Variants in TMEM11 observed in about 807,000 individuals in gnomAD.
TMEM11 encodes the protein transmembrane protein 11, mitochondrial.
A neutral mutation model predicts 17.0 loss-of-function variants in TMEM11; 1 was observed. The ratio of observed to expected loss-of-function variants is 0.06; its 90% confidence interval spans 0.02 to 0.28. The LOEUF (loss-of-function observed/expected upper bound fraction) is 0.28. Ranked by LOEUF, TMEM11 falls within the 10% of genes least tolerant of loss-of-function variation. The pLI, the probability that TMEM11 is intolerant of heterozygous loss-of-function variation, is 1.00. For missense variants in TMEM11, 172 were observed against 252.9 expected (o/e 0.68, Z 2.17); for synonymous variants, 122 against 118.1 (o/e 1.03, Z -0.21).
At chr17:21,203,902 C>G (rs1309089877) in intron 1 of TMEM11, among the ~76,000 whole-genome samples, 2 of 148,590 alleles carry the variant, frequency 1.3e-5, no homozygotes, top group East Asian at 3.9e-4. Context: ...ACTGGTAAGG[C>G]CATGGGCTTT....
At chr17:21,209,734 A>C (rs879614242) in intron 1 of TMEM11, among the ~76,000 whole-genome samples, 2 of 152,096 alleles carry the variant, frequency 1.3e-5, no homozygotes, top group Admixed American at 6.5e-5. Flanking sequence ...ATACCACTGC[A>C]CTCCAGCCTG....
chr17:21,204,932 G>A (rs546198727), intron 1 of TMEM11, among the ~76,000 whole-genome samples: 1 of 152,192 alleles, frequency 6.6e-6, no homozygotes, highest in South Asian at 2.1e-4. Flanking sequence ...GAATGGGACC[G>A]CTCTCTGCCG....
At chr17:21,206,923 G>A (rs1488945876) in intron 1 of TMEM11, among the ~76,000 whole-genome samples, 1 of 152,140 alleles carries the variant, frequency 6.6e-6, no homozygotes, top group South Asian at 2.1e-4. Context: ...CGATGAAGTG[G>A]CTTTCCCAAA....
At position 21,202,754 on chromosome 17, in the gene TMEM11, C is replaced by G. The variant is rs534250058; in HGVS notation, c.63-3914G>C. 4.5e-4 allele frequency among the ~76,000 whole-genome samples: 69 copies of G among 152,366 alleles called. No individual in the cohort carries two copies. In the South Asian group the frequency reaches 4.6e-3, roughly 10 times the overall value. On this transcript the variant is annotated intron_variant, in intron 1 of 1. Transcript: ENST00000317635. ...CTGTTGCCAGGTGTGGCCCGCCCCC[C>G]AGCACAGGGAGTGAGGAGACTGGGC... is the stretch of plus-strand genomic sequence containing the variant.
chr17:21,198,082 A>ATTCCACTGCCCAGTCGGAC lies in TMEM11; in HGVS notation c.*223_*241dup, dbSNP rs1974839067. 1 of 514,960 alleles carries ATTCCACTGCCCAGTCGGAC rather than the reference A, an allele frequency of 1.9e-6. No homozygotes were observed. The highest frequency in any genetic ancestry group is 1.9e-5 in the African/African-American group (1 of 52,440). The allele number at this position is 514,960 out of a possible 1,614,324, so 31.9% of individuals were successfully genotyped here. ...CTCGGCAGCGTCTGCCTCCATCAGCATTCCACTGCCCAGTCGGACTTCCAC... is the reference window on the plus strand; with the variant it reads ...CTCGGCAGCGTCTGCCTCCATCAGCATTCCACTGCCCAGTCGGACTTCCACTGCCCAGTCGGACTTCCAC... On this transcript the variant is annotated 3_prime_UTR_variant, in exon 2 of 2. Transcript: ENST00000317635. The surrounding 1 kb of genome is among the most constrained non-coding windows in gnomAD (Gnocchi z 6.5).
chr17:21,214,061 C>A (rs777325977), intron 1 of TMEM11, 30 bp downstream of exon 1: 4 of 1,600,720 alleles, frequency 2.5e-6, no homozygotes, highest in Admixed American at 1.7e-5. Flanking sequence ...GAGCCGCCTG[C>A]ACTGGGGGCA....
chr17:21,211,557 C>T (rs542366613), intron 1 of TMEM11, among the ~76,000 whole-genome samples: 8 of 152,224 alleles, frequency 5.3e-5, no homozygotes, highest in African/African-American at 9.6e-5. Context: ...CTAGACTCAA[C>T]AAGGTAAAGC....
At chr17:21,202,439 C>A (rs373049442) in intron 1 of TMEM11, among the ~76,000 whole-genome samples, 49 of 152,330 alleles carry the variant, frequency 3.2e-4, no homozygotes, top group African/African-American at 1.1e-3. Context: ...GCCCAGCAGG[C>A]CAGCGCCATC....
intron 1 of TMEM11, among the ~76,000 whole-genome samples, chr17:21,212,106 G>A (rs1438927095): frequency 6.6e-6 from 1 of 152,134 alleles, no homozygotes; most frequent in African/African-American, 2.4e-5. Context: ...AGCTGGGCTC[G>A]GGGAAATGAC....
chr17:21,198,987 T>G lies in TMEM11; in HGVS notation c.63-147A>C. ...CACTTGGGTCCTCATCTCCTTTAAA[T>G]CCCAACACAAGATAATCAGTAAAAA... On this transcript the variant is annotated intron_variant, in intron 1 of 1. Transcript: ENST00000317635. The surrounding 1 kb of genome is among the most constrained non-coding windows in gnomAD (Gnocchi z 6.5). 2.4e-6 allele frequency: 2 copies of G among 840,460 alleles called. No homozygotes were observed. Among genetic ancestry groups the G allele is most frequent in the African/African-American group, 1.7e-5 (1 of 58,610 alleles). 52.1% of individuals were successfully genotyped at this position (840,460 alleles called of 1,614,324 possible). A position where few individuals can be genotyped will look rare whatever the true frequency, so the allele number is the denominator to read the frequency against.
At chr17:21,206,220 A>C (rs147310917) in intron 1 of TMEM11, among the ~76,000 whole-genome samples, 1 of 152,032 alleles carries the variant, frequency 6.6e-6, no homozygotes, top group East Asian at 1.9e-4. Context: ...AACACTTGTT[A>C]TTTTCCGTTT....
intron 1 of TMEM11, among the ~76,000 whole-genome samples, chr17:21,208,836 G>A (rs898498004): frequency 2.6e-5 from 4 of 152,224 alleles, no homozygotes; most frequent in South Asian, 2.1e-4. Flanking sequence ...TTACAGACAT[G>A]AGCCACAGGA....
intron 1 of TMEM11, among the ~76,000 whole-genome samples, chr17:21,203,272 C>T (rs531807166): frequency 4.1e-4 from 63 of 152,348 alleles, no homozygotes; most frequent in Non-Finnish European, 7.9e-4. Flanking sequence ...CACCCGGCCA[C>T]GACCAGGCAG....
chr17:21,203,941 A>T (rs1409712958), intron 1 of TMEM11, among the ~76,000 whole-genome samples: 2 of 136,950 alleles, frequency 1.5e-5, no homozygotes, highest in Non-Finnish European at 3.1e-5. Flanking sequence ...ACCCTGGTGC[A>T]TGGGAGATCT....
chr17:21,198,403 C>T lies in TMEM11; in HGVS notation c.500G>A (p.Arg167Lys). Residue 167 changes from arginine to lysine, a missense_variant, in exon 2 of 2, where the codon AGA (arginine) becomes AAA (lysine). This residue lies in a region of TMEM11 where 123 missense variants were observed against 213.6 expected (regional missense o/e 0.58). Transcript: ENST00000317635. The surrounding 1 kb of genome is among the most constrained non-coding windows in gnomAD (Gnocchi z 6.5). ...VVLVRKDDLHRKRLHNTIALA... is the reference protein window; with the variant it reads ...VVLVRKDDLHKKRLHNTIALA... ...TGCTATCGTGTTGTGCAGTCTCTTT[C>T]TGTGCAGGTCGTCCTTCCGGACCAG... The T allele has an allele frequency of 6.2e-7, 1 of 1,614,234 alleles. No homozygotes were observed. Among genetic ancestry groups the T allele is most frequent in the South Asian group, 1.1e-5 (1 of 91,086 alleles).
In TMEM11 at chr17:21,198,924, T is replaced by TG; in HGVS notation, c.63-85dup. 6.7e-7 allele frequency: 1 copy of TG among 1,485,712 alleles called. No individual in the cohort carries two copies. The highest frequency in any genetic ancestry group is 9.0e-7 in the Non-Finnish European group (1 of 1,105,480). 92.0% of individuals were successfully genotyped at this position (1,485,712 alleles called of 1,614,324 possible). On this transcript the variant is annotated intron_variant, in intron 1 of 1. Transcript: ENST00000317635. The surrounding 1 kb of genome is among the most constrained non-coding windows in gnomAD (Gnocchi z 6.5). ...GGAGCACTTAACTGTGTTTCAGCGC[T>TG]GGGGGAGGTCTGAGCCTGCACTGCG...
rs186980833 is a variant in TMEM11 at position 21,207,648 on chromosome 17, G to A, written c.62+6443C>T. 2.8e-4 allele frequency among the ~76,000 whole-genome samples: 43 copies of A among 152,214 alleles called. 1 individual carries two copies. The highest frequency in any genetic ancestry group is 9.6e-4 in the African/African-American group (40 of 41,570). On this transcript the variant is annotated intron_variant, in intron 1 of 1. Coordinates refer to ENST00000317635, the MANE Select transcript of TMEM11 (RefSeq NM_003876.3). ...CACGCCTGTAATCCCAGCACTTTGG[G>A]AGGCCGAGGCGGGCGGATTACCTAA...
chr17:21,213,718 C>CCGGG (rs1252489865), intron 1 of TMEM11: 1 of 244,656 alleles, frequency 4.1e-6, no homozygotes, highest in African/African-American at 2.3e-5. Context: ...GCCGAGATGG[C>CCGGG]CACGCGCGTG....
At chr17:21,212,816 C>T (rs906858493) in intron 1 of TMEM11, among the ~76,000 whole-genome samples, 2 of 152,174 alleles carry the variant, frequency 1.3e-5, no homozygotes, top group African/African-American at 4.8e-5. Context: ...AAAATGTTTG[C>T]TAGTTTTTAA....
Sources: gnomAD v4.1 joint callset for allele counts (sites outside exome capture counted in the v4.1 genomes callset) on GRCh38, gnomAD v4.1.1 for gene constraint, gnomAD v4.1.1 regional missense constraint, Gnocchi (gnomAD v3.1) non-coding constraint, MANE v1.5 for transcripts, NCBI Gene and HGNC (gene_info 2026-07-23, HGNC 2026-07-21) for gene names.